GRID1: variants seen among roughly 807,000 people sequenced by gnomAD.
GRID1 encodes the protein glutamate receptor ionotropic, delta-1.
Under a neutral mutation model 98.0 loss-of-function variants are expected in GRID1, and 28 were observed. That is an observed-to-expected ratio of 0.29 (90% CI 0.21 to 0.39). The LOEUF is 0.39. Among genes scored for constraint, GRID1 ranks in the 10% least tolerant of loss-of-function variants. The pLI is 1.00. For missense variants in GRID1, 1,111 were observed against 1,340.5 expected (o/e 0.83, Z 2.67); for synonymous variants, 553 against 538.5 (o/e 1.03, Z -0.37).
At chr10:85,747,836 A>T (rs1266663742) in intron 8 of GRID1, among the ~76,000 whole-genome samples, 5 of 152,196 alleles carry the variant, frequency 3.3e-5, no homozygotes, top group Non-Finnish European at 7.3e-5. Flanking sequence ...GTCTTCCCAT[A>T]TCTAATTTTA....
intron 8 of GRID1, among the ~76,000 whole-genome samples, chr10:85,851,945 GC>G (rs1171395944): frequency 6.6e-6 from 1 of 151,614 alleles, no homozygotes; most frequent in Non-Finnish European, 1.5e-5. Context: ...CGATTTCCCA[GC>G]CCCACCCTTC....
At chr10:86,150,793 T>G (rs1044925997) in intron 3 of GRID1, among the ~76,000 whole-genome samples, 2 of 152,166 alleles carry the variant, frequency 1.3e-5, no homozygotes, top group African/African-American at 4.8e-5. Context: ...AATAAGAGAC[T>G]CGAGATCTTT....
chr10:85,802,237 A>G (rs1335027676), intron 8 of GRID1, among the ~76,000 whole-genome samples: 1 of 152,132 alleles, frequency 6.6e-6, no homozygotes, highest in African/African-American at 2.4e-5. Context: ...CTTGGAGGGA[A>G]TAAAGAGCCA....
At chr10:85,669,417 T>C (rs1346555239) in intron 12 of GRID1, among the ~76,000 whole-genome samples, 1 of 152,180 alleles carries the variant, frequency 6.6e-6, no homozygotes, top group African/African-American at 2.4e-5. Flanking sequence ...TTTGGGGTCA[T>C]GAGGATGGGC....
chr10:86,187,484 T>C (rs1845741511), intron 3 of GRID1, among the ~76,000 whole-genome samples: 1 of 152,194 alleles, frequency 6.6e-6, no homozygotes, highest in African/African-American at 2.4e-5. Context: ...TGCTGCTAAT[T>C]ACACTATCCT....
intron 5 of GRID1, among the ~76,000 whole-genome samples, chr10:85,874,023 C>G (rs543272537): frequency 6.6e-6 from 1 of 152,212 alleles, no homozygotes; most frequent in Admixed American, 6.5e-5. Context: ...AATTTATTCA[C>G]CCTATTGTTG....
intron 2 of GRID1, among the ~76,000 whole-genome samples, chr10:86,220,199 C>T (rs1846232959): frequency 6.6e-6 from 1 of 152,192 alleles, no homozygotes. Flanking sequence ...TCCTTCTTGG[C>T]CCCTTTGAAA....
At chr10:85,999,211 C>CAAAA (rs60210628) in intron 4 of GRID1, among the ~76,000 whole-genome samples, 1 of 130,052 alleles carries the variant, frequency 7.7e-6, no homozygotes, top group Non-Finnish European at 1.6e-5. Context: ...GACTCTATTT[C>CAAAA]AAAAAAAAAA....
rs1842922154 is a variant in GRID1 at position 85,837,611 on chromosome 10, T to G, written c.1233+16885A>C. Among the ~76,000 whole-genome samples, 3 of 150,150 alleles carry G rather than the reference T, an allele frequency of 2.0e-5. No homozygotes were observed. The South Asian group carries it at 6.3e-4, about 32-fold the overall frequency. ...TCCACCTTATACTACAATCAAGTCC[T>G]CAGAGTCATCGAATAGGACAAAAGG... On this transcript the variant is annotated intron_variant, in intron 8 of 15. Transcript: ENST00000327946.
intron 12 of GRID1, among the ~76,000 whole-genome samples, chr10:85,701,538 T>C (rs1375944619): frequency 1.3e-5 from 2 of 152,158 alleles, no homozygotes; most frequent in African/African-American, 4.8e-5. Flanking sequence ...GGGATTTAAA[T>C]TTATATCACA....
intron 2 of GRID1, among the ~76,000 whole-genome samples, chr10:86,255,452 T>C (rs1846902693): frequency 6.6e-6 from 1 of 152,188 alleles, no homozygotes; most frequent in Admixed American, 6.5e-5. Flanking sequence ...CTGACACTCA[T>C]ATACTAGCCC....
intron 4 of GRID1, among the ~76,000 whole-genome samples, chr10:85,973,422 T>G (rs1195687922): frequency 6.6e-6 from 1 of 152,182 alleles, no homozygotes; most frequent in Non-Finnish European, 1.5e-5. Flanking sequence ...TCATTACAAA[T>G]CCTTCTTTTC....
chr10:85,697,658 A>G (rs1053371916), intron 12 of GRID1, among the ~76,000 whole-genome samples: 4 of 152,166 alleles, frequency 2.6e-5, no homozygotes, highest in African/African-American at 9.7e-5. Flanking sequence ...AGTCCCATTA[A>G]TATGAACCAC....
At chr10:85,710,525 A>C (rs1171883336) in intron 12 of GRID1, among the ~76,000 whole-genome samples, 1 of 152,160 alleles carries the variant, frequency 6.6e-6, no homozygotes, top group Admixed American at 6.5e-5. Flanking sequence ...TCCCAGAAGA[A>C]AACATAGAGG....
intron 3 of GRID1, among the ~76,000 whole-genome samples, chr10:86,175,729 GAC>G (rs1226491916): frequency 6.6e-6 from 1 of 150,550 alleles, no homozygotes; most frequent in Non-Finnish European, 1.5e-5. Context: ...TTTTTTTTGA[GAC>G]AGAGTTTCAC....
intron 2 of GRID1, among the ~76,000 whole-genome samples, chr10:86,333,898 G>A (rs548544084): frequency 4.2e-4 from 64 of 152,248 alleles, no homozygotes; most frequent in African/African-American, 1.5e-3. Context: ...GAAAATCCTT[G>A]TGTAAATGGA....
At chr10:86,038,799 A>C (rs1263150273) in intron 4 of GRID1, among the ~76,000 whole-genome samples, 1 of 152,230 alleles carries the variant, frequency 6.6e-6, no homozygotes, top group South Asian at 2.1e-4. Context: ...TGTGTTGGCT[A>C]AAGTGATGAC....
chr10:85,754,241 G>GA (rs1842074837), intron 8 of GRID1, among the ~76,000 whole-genome samples: 2 of 152,154 alleles, frequency 1.3e-5, no homozygotes, highest in East Asian at 3.9e-4. Context: ...ATAGTTCACA[G>GA]AGTTGTTTCT....
In GRID1 at chr10:86,092,088, A is replaced by C. The variant is rs112088146; in HGVS notation, c.726+46731T>G. Among the ~76,000 whole-genome samples, 184 of 152,284 alleles carry C rather than the reference A, an allele frequency of 1.2e-3. 1 individual carries two copies. The highest frequency in any genetic ancestry group is 3.9e-3 in the African/African-American group (162 of 41,560). The stretch of plus-strand genomic sequence containing the variant: ...CAAAACAAGGCTCTTCAACACCCCC[A>C]AAAAAATCACACTAGTTCACCAGCA... On this transcript the variant is annotated intron_variant, in intron 4 of 15. Coordinates refer to ENST00000327946, the MANE Select transcript of GRID1 (RefSeq NM_017551.3).
Sources: allele counts gnomAD v4.1 joint callset (sites outside exome capture counted in the v4.1 genomes callset), GRCh38; gene constraint gnomAD v4.1.1; transcripts MANE v1.5; gene names NCBI Gene and HGNC (gene_info 2026-07-23, HGNC 2026-07-21).